The following ZMYM2 variants were observed in gnomAD, a reference collection of about 807,000 sequenced individuals.
ZMYM2 encodes zinc finger MYM-type protein 2.
ZMYM2 carries 56 observed loss-of-function variants against 162.8 expected under a neutral mutation model. That is an observed-to-expected ratio of 0.34 (90% CI 0.28 to 0.43). The LOEUF (loss-of-function observed/expected upper bound fraction) is 0.43. Ranked by LOEUF, ZMYM2 falls within the 20% of genes least tolerant of loss-of-function variation. ZMYM2 has a pLI of 1.00. For missense variants in ZMYM2, 1,275 were observed against 1,621.8 expected (o/e 0.79, Z 3.67); for synonymous variants, 510 against 541.6 (o/e 0.94, Z 0.81).
rs1291383282 is a variant in ZMYM2 at position 20,088,453 on chromosome 13, TTC to T, written c.*2441_*2442del. 1.0e-5 allele frequency: 2 copies of T among 200,352 alleles called. No individual in the cohort carries two copies. The highest frequency in any genetic ancestry group is 4.6e-5 in the African/African-American group (2 of 43,568). 12.4% of individuals were successfully genotyped at this position (200,352 alleles called of 1,614,324 possible). On this transcript the variant is annotated 3_prime_UTR_variant, in exon 25 of 25. Coordinates refer to ENST00000610343, the MANE Select transcript of ZMYM2 (RefSeq NM_197968.4). The stretch of plus-strand genomic sequence containing the variant: ...TTATTGAAGATGCTATATTTTTCTG[TTC>T]TGTTTTCTGAAGATTTTGCCATTTA...
intron 2 of ZMYM2, among the ~76,000 whole-genome samples, chr13:19,985,972 G>A (rs375168175): frequency 2.0e-5 from 3 of 152,126 alleles, no homozygotes; most frequent in East Asian, 3.8e-4. Context: ...GGTTGCTTGA[G>A]CTTGGGAGTT....
chr13:20,019,694 G>A (rs1329612336), intron 7 of ZMYM2, 76 bp downstream of exon 7: 1 of 1,305,080 alleles, frequency 7.7e-7, no homozygotes, highest in Non-Finnish European at 1.1e-6. Flanking sequence ...ATATGTATCT[G>A]AAAAATCTTG....
intron 3 of ZMYM2, among the ~76,000 whole-genome samples, chr13:20,001,096 T>A (rs1311667959): frequency 6.6e-6 from 1 of 152,100 alleles, no homozygotes; most frequent in Non-Finnish European, 1.5e-5. Flanking sequence ...GAATTAGTAG[T>A]GGAACCTGAA....
At chr13:19,880,430 A>ATT in the ZMYM2 span, among the ~76,000 whole-genome samples, 2,060 of 150,908 alleles carry the variant, frequency 0.014, 40 homozygotes, top group African/African-American at 0.048. Flanking sequence ...TTGTAACTGA[A>ATT]TTTTTTTTCT....
At chr13:20,051,384 A>G (rs2140573551) in intron 12 of ZMYM2, 49 bp from the exon 13 acceptor site, 1 of 1,587,626 alleles carries the variant, frequency 6.3e-7, no homozygotes, top group Non-Finnish European at 8.5e-7. Context: ...ACTTCTGGAA[A>G]TCTTCAAAAA....
At chr13:19,981,498 A>G (rs1486929736) in intron 2 of ZMYM2, among the ~76,000 whole-genome samples, 2 of 152,142 alleles carry the variant, frequency 1.3e-5, no homozygotes, top group Non-Finnish European at 2.9e-5. Context: ...TTTTGGGCTA[A>G]TCTTACACAT....
chr13:20,074,062 A>G (rs915180581), intron 21 of ZMYM2, among the ~76,000 whole-genome samples: 4 of 152,056 alleles, frequency 2.6e-5, no homozygotes, highest in Non-Finnish European at 2.9e-5. Flanking sequence ...TCTACTTTCT[A>G]TCTCTATGAT....
At chr13:20,000,056 C>A (rs933052630) in intron 3 of ZMYM2, among the ~76,000 whole-genome samples, 1 of 152,150 alleles carries the variant, frequency 6.6e-6, no homozygotes, top group Non-Finnish European at 1.5e-5. Context: ...CTTCAGACCC[C>A]CAAAGTGCTG....
At chr13:19,865,268 C>A in the ZMYM2 span, among the ~76,000 whole-genome samples, 4 of 152,182 alleles carry the variant, frequency 2.6e-5, no homozygotes, top group African/African-American at 9.7e-5. Flanking sequence ...AATCTCATAA[C>A]GTTTTAAGAA....
intron 6 of ZMYM2, 67 bp downstream of exon 6, chr13:20,006,653 ACTCTAAC>A: frequency 1.4e-6 from 2 of 1,463,144 alleles, no homozygotes; most frequent in Non-Finnish European, 1.9e-6. Flanking sequence ...TAATACTTTT[ACTCTAAC>A]AGTGTTTATT....
At position 19,958,788 on chromosome 13, in the gene ZMYM2, G is replaced by C. The variant is rs1267959604; in HGVS notation, c.-133G>C. 1.3e-5 allele frequency: 2 copies of C among 152,568 alleles called. No homozygotes were observed. The highest frequency in any genetic ancestry group is 2.4e-5 in the African/African-American group (1 of 41,310). 9.5% of individuals were successfully genotyped at this position (152,568 alleles called of 1,614,324 possible). On this transcript the variant is annotated 5_prime_UTR_variant, in exon 1 of 25. Coordinates refer to ENST00000610343, the MANE Select transcript of ZMYM2 (RefSeq NM_197968.4). Reference sequence around the variant, plus strand: ...AGCGGAGTTGTGCGTGTCGCCGAAGGGGGGTGGGCCGGGGGAGGGGAGGTT... The same window carrying C: ...AGCGGAGTTGTGCGTGTCGCCGAAGCGGGGTGGGCCGGGGGAGGGGAGGTT...
intron 12 of ZMYM2, among the ~76,000 whole-genome samples, chr13:20,044,625 A>T (rs1954590485): frequency 6.6e-6 from 1 of 152,188 alleles, no homozygotes; most frequent in African/African-American, 2.4e-5. Flanking sequence ...TTCTTCCTAG[A>T]TAAGAAAATG....
chr13:20,040,815 T>C (rs978448004), intron 12 of ZMYM2, among the ~76,000 whole-genome samples: 9 of 152,232 alleles, frequency 5.9e-5, no homozygotes, highest in East Asian at 1.9e-4. Flanking sequence ...TTTGTTCTTA[T>C]TGGTTTCAAA....
intron 12 of ZMYM2, among the ~76,000 whole-genome samples, chr13:20,038,383 G>T (rs1294016769): frequency 1.3e-5 from 2 of 152,032 alleles, no homozygotes; most frequent in Admixed American, 1.3e-4. Context: ...TGCCTAGGTT[G>T]GCTTCAGGGG....
chr13:20,006,471 G>C lies in ZMYM2; in HGVS notation c.1397G>C (p.Cys466Ser). 1 of 1,613,276 alleles carries C rather than the reference G, an allele frequency of 6.2e-7. No homozygotes were observed. The highest frequency in any genetic ancestry group is 8.5e-7 in the Non-Finnish European group (1 of 1,179,568). ...ATGGCCAATGGTTTAATAATGAATT[G>C]CTGTGAACAGTGTGGAGAGTACTTG... ...YRMANGLIMN[C>S]CEQCGEYLPS... is the part of the protein sequence containing the mutation. The change falls in exon 6 of 25, where the codon TGC becomes TCC. Residue 466 changes from cysteine to serine, a missense_variant. Cys to Ser is a moderately radical substitution (Grantham distance 112, BLOSUM62 -1). Coordinates refer to ENST00000610343, the MANE Select transcript of ZMYM2 (RefSeq NM_197968.4).
chr13:19,986,432 A>G (rs1189095017), intron 2 of ZMYM2, among the ~76,000 whole-genome samples: 2 of 152,142 alleles, frequency 1.3e-5, no homozygotes, highest in Non-Finnish European at 2.9e-5. Context: ...ACTACTTCAT[A>G]TCCTAAGACA....
chr13:19,956,502 C>A (rs999459907), upstream of ZMYM2, among the ~76,000 whole-genome samples: 7 of 152,208 alleles, frequency 4.6e-5, no homozygotes, highest in African/African-American at 1.7e-4. Context: ...AACATTATGA[C>A]AAATACTTTC....
chr13:19,989,781 C>A (rs1949460554), intron 2 of ZMYM2, among the ~76,000 whole-genome samples: 1 of 152,242 alleles, frequency 6.6e-6, no homozygotes, highest in South Asian at 2.1e-4. Flanking sequence ...TTAACCCCCA[C>A]CTCGCCACTA....
intron 1 of ZMYM2, 26 bp downstream of exon 1, chr13:19,958,867 C>G (rs1246220456): frequency 6.6e-6 from 1 of 152,348 alleles, no homozygotes; most frequent in Non-Finnish European, 1.5e-5. Flanking sequence ...GCTGTCTTTC[C>G]AGTCCAGGGC....
Sources: gnomAD v4.1 joint callset for allele counts (sites outside exome capture counted in the v4.1 genomes callset) on GRCh38, gnomAD v4.1.1 for gene constraint, MANE v1.5 for transcripts, NCBI Gene and HGNC (gene_info 2026-07-23, HGNC 2026-07-21) for gene names.